The following CALCR variants were observed in gnomAD, a reference collection of about 807,000 sequenced individuals.
CALCR encodes calcitonin receptor.
Under a neutral mutation model 59.5 loss-of-function variants are expected in CALCR, and 47 were observed. The observed-to-expected ratio is 0.79, with a 90% confidence interval of 0.63 to 1.01. CALCR has a LOEUF of 1.01. CALCR is among the 50% of genes least tolerant of loss of function. The pLI is 0.00. For synonymous variants in CALCR, 213 were observed against 211.3 expected (o/e 1.01, Z -0.07); for missense variants, 566 against 597.1 (o/e 0.95, Z 0.54).
chr7:93,505,468 G>A (rs1801405718), intron 2 of CALCR, among the ~76,000 whole-genome samples: 1 of 152,174 alleles, frequency 6.6e-6, no homozygotes, highest in Non-Finnish European at 1.5e-5. Context: ...AAGAAACCAA[G>A]ACTCAGGGAG....
In CALCR at chr7:93,449,200, C is replaced by G. The variant is rs777850068; in HGVS notation, c.649-5443G>C. 4.6e-5 allele frequency among the ~76,000 whole-genome samples: 7 copies of G among 152,054 alleles called. No individual in the cohort carries two copies. The South Asian group carries it at 6.2e-4, about 14-fold the overall frequency. On this transcript the variant is annotated intron_variant, in intron 8 of 13. Transcript: ENST00000426151. ...TGATTAAAGATAGTTATTTACATTT[C>G]CCTGAAGCTTCTAAAAATGTTTTCT...
intron 5 of CALCR, among the ~76,000 whole-genome samples, chr7:93,473,589 CCTT>C (rs1033603598): frequency 9.1e-5 from 11 of 121,160 alleles, no homozygotes; most frequent in African/African-American, 3.9e-4. Context: ...GGCCCCCCCC[CCTT>C]TTTTTTTTTT....
chr7:93,441,500 G>A (rs1799902764), intron 9 of CALCR: 3 of 455,146 alleles, frequency 6.6e-6, no homozygotes, highest in African/African-American at 2.0e-5. Context: ...GTGTACATAC[G>A]GATGAGAAGG....
chr7:93,475,506 T>C (rs1800648225), intron 5 of CALCR, among the ~76,000 whole-genome samples: 1 of 151,458 alleles, frequency 6.6e-6, no homozygotes. Context: ...TTTTTAAAAG[T>C]GGCCACAATT....
intron 2 of CALCR, among the ~76,000 whole-genome samples, chr7:93,509,991 G>C (rs1195243977): frequency 1.3e-5 from 2 of 151,006 alleles, no homozygotes; most frequent in African/African-American, 4.9e-5. Flanking sequence ...TTTTAATTTA[G>C]AAGGGATTTT....
At chr7:93,461,652 G>A (rs1800339146) in intron 7 of CALCR, among the ~76,000 whole-genome samples, 1 of 152,110 alleles carries the variant, frequency 6.6e-6, no homozygotes, top group Admixed American at 6.6e-5. Flanking sequence ...GCTGCTTCTT[G>A]GTAGAGTCAT....
At chr7:93,448,610 A>G (rs1408647652) in intron 8 of CALCR, among the ~76,000 whole-genome samples, 1 of 152,026 alleles carries the variant, frequency 6.6e-6, no homozygotes, top group Non-Finnish European at 1.5e-5. Context: ...TGATTTCTAA[A>G]AAAAGTAATT....
At chr7:93,506,301 T>C (rs1801423868) in intron 2 of CALCR, among the ~76,000 whole-genome samples, 1 of 152,252 alleles carries the variant, frequency 6.6e-6, no homozygotes, top group Non-Finnish European at 1.5e-5. Flanking sequence ...GATTAGGTTT[T>C]TTGGGGAGGT....
rs1267835979 is a variant in CALCR, at chr7:93,468,659, T to C, written c.521+56A>G. 8 of 1,246,262 alleles carry C rather than the reference T, an allele frequency of 6.4e-6. No homozygotes were observed. In the East Asian group the frequency reaches 1.6e-4, roughly 26 times the overall value. The allele number at this position is 1,246,262 out of a possible 1,614,324, so 77.2% of individuals were successfully genotyped here. A position where few individuals can be genotyped will look rare whatever the true frequency, so the allele number is the denominator to read the frequency against. On this transcript the variant is annotated intron_variant, in intron 7 of 13. Transcript: ENST00000426151. ...ACCTCCACTCTTGCAGAATTCACCA[T>C]TCGTTTCAGTAACTTAAAGGAGGAA...
In CALCR at chr7:93,467,448, T is replaced by C. The variant is rs532285403; in HGVS notation, c.521+1267A>G. ...ATTGAAAAATGATGAAGGAAAAAAA[T>C]AGTACTTGTACTAAGGATGTATTTA... On this transcript the variant is annotated intron_variant, in intron 7 of 13. Coordinates refer to ENST00000426151, the MANE Select transcript of CALCR (RefSeq NM_001742.4). Among the ~76,000 whole-genome samples, 12 of 151,726 alleles carry C rather than the reference T, an allele frequency of 7.9e-5. No individual in the cohort carries two copies. The South Asian group carries it at 2.5e-3, about 31-fold the overall frequency.
At position 93,540,034 on chromosome 7, in the gene CALCR, G is replaced by C. The variant is rs79931398; in HGVS notation, c.-27+34255C>G. Among the ~76,000 whole-genome samples, 1,122 of 152,318 alleles carry C rather than the reference G, an allele frequency of 7.4e-3. 31 individuals carry two copies. In the East Asian group the frequency reaches 0.098, roughly 13 times the overall value. On this transcript the variant is annotated intron_variant, in intron 2 of 13. Transcript: ENST00000426151. ...CTAGTCCCATTCCCTTGGGGGAATTGTGGGGAGAAGAAAGAGAGTAGCTGC... is the reference window on the plus strand; with the variant it reads ...CTAGTCCCATTCCCTTGGGGGAATTCTGGGGAGAAGAAAGAGAGTAGCTGC...
chr7:93,527,623 A>G (rs1788699464), intron 2 of CALCR, among the ~76,000 whole-genome samples: 1 of 152,168 alleles, frequency 6.6e-6, no homozygotes. Flanking sequence ...CAAATAACTG[A>G]CTGGTTCTAG....
chr7:93,534,012 T>C (rs1047827938), intron 2 of CALCR, among the ~76,000 whole-genome samples: 1 of 151,750 alleles, frequency 6.6e-6, no homozygotes, highest in Non-Finnish European at 1.5e-5. Context: ...AAAGGATCAA[T>C]GCCTTTATCT....
At chr7:93,506,524 G>A (rs962439756) in intron 2 of CALCR, among the ~76,000 whole-genome samples, 1 of 152,080 alleles carries the variant, frequency 6.6e-6, no homozygotes, top group African/African-American at 2.4e-5. Context: ...CCTCACTACA[G>A]ACAAAAATTA....
intron 2 of CALCR, among the ~76,000 whole-genome samples, chr7:93,490,434 G>C (rs1423936955): frequency 2.0e-5 from 3 of 151,486 alleles, no homozygotes; most frequent in Non-Finnish European, 4.4e-5. Flanking sequence ...ATAAATGAAG[G>C]GTATTCAAAT....
chr7:93,519,717 G>A (rs1801720582), intron 2 of CALCR, among the ~76,000 whole-genome samples: 1 of 152,034 alleles, frequency 6.6e-6, no homozygotes, highest in Non-Finnish European at 1.5e-5. Context: ...GAGACCTGGT[G>A]GGAGGTGATT....
chr7:93,499,892 G>A (rs1801286231), intron 2 of CALCR, among the ~76,000 whole-genome samples: 1 of 151,672 alleles, frequency 6.6e-6, no homozygotes, highest in African/African-American at 2.4e-5. Flanking sequence ...AATACCAACA[G>A]GAATTTAAAA....
intron 2 of CALCR, among the ~76,000 whole-genome samples, chr7:93,537,485 A>G (rs889427504): frequency 1.1e-4 from 17 of 151,730 alleles, no homozygotes; most frequent in Admixed American, 5.9e-4. Flanking sequence ...TTATTAGTTT[A>G]GTTCTATAGT....
At chr7:93,458,150 T>C (rs1226918797) in intron 8 of CALCR, among the ~76,000 whole-genome samples, 1 of 152,178 alleles carries the variant, frequency 6.6e-6, no homozygotes, top group African/African-American at 2.4e-5. Context: ...TTGTCTCTGA[T>C]AACAGATGCC....
Sources: allele counts gnomAD v4.1 joint callset (sites outside exome capture counted in the v4.1 genomes callset), GRCh38; gene constraint gnomAD v4.1.1; transcripts MANE v1.5; gene names NCBI Gene and HGNC (gene_info 2026-07-23, HGNC 2026-07-21).